The following PLD1 variants were observed in gnomAD, a reference collection of about 807,000 sequenced individuals.
PLD1 encodes the protein phospholipase D1, also known as choline phosphatase 1.
PLD1 carries 112 observed loss-of-function variants against 137.1 expected under a neutral mutation model. The ratio of observed to expected loss-of-function variants is 0.82; its 90% CI spans 0.70 to 0.96. The LOEUF (loss-of-function observed/expected upper bound fraction) is 0.96. Among genes scored for constraint, PLD1 ranks in the 40% least tolerant of loss-of-function variants. PLD1 has a pLI of 0.00. For synonymous variants in PLD1, 431 were observed against 454.7 expected, an observed-to-expected ratio of 0.95 and a Z score of 0.66; for missense variants, 1,321 against 1,342.0, an observed-to-expected ratio of 0.98 and a Z score of 0.24.
Position 171,735,625 on chromosome 3 carries a change from T to A in PLD1, c.301A>T (p.Asn101Tyr). The A allele has an allele frequency of 6.6e-7, 1 of 1,518,656 alleles. No homozygotes were observed. Among genetic ancestry groups the A allele is most frequent in the Non-Finnish European group, 9.1e-7 (1 of 1,093,128 alleles). The allele number at this position is 1,518,656 out of a possible 1,614,324, so 94.1% of individuals were successfully genotyped here. A position where few individuals can be genotyped will look rare whatever the true frequency, so the allele number is the denominator to read the frequency against. The change falls in exon 4 of 27, where the codon AAT becomes TAT. Residue 101 changes from asparagine to tyrosine, a missense_variant. Coordinates refer to ENST00000351298, the MANE Select transcript of PLD1 (RefSeq NM_002662.5). ...FTSTTRVPSINLYTIELTHGE... is the reference protein window; with the variant it reads ...FTSTTRVPSIYLYTIELTHGE... ...TGTGTTAATTCAATAGTGTAAAGAT[T>A]AATACTTGGTACCTACAGTGATACA...
chr3:171,711,518 G>GA (rs374866440), intron 9 of PLD1, among the ~76,000 whole-genome samples: 1 of 151,188 alleles, frequency 6.6e-6, no homozygotes, highest in Non-Finnish European at 1.5e-5. Flanking sequence ...ATTGATACCA[G>GA]AAAAAAAAGG....
At chr3:171,656,807 G>A (rs1186852199) in intron 21 of PLD1, among the ~76,000 whole-genome samples, 1 of 152,176 alleles carries the variant, frequency 6.6e-6, no homozygotes, top group South Asian at 2.1e-4. Flanking sequence ...TGTAGGCCAC[G>A]GAATACTCAC....
chr3:171,616,703 A>T (rs1733140416), intron 24 of PLD1, among the ~76,000 whole-genome samples: 1 of 152,188 alleles, frequency 6.6e-6, no homozygotes, highest in Non-Finnish European at 1.5e-5. Context: ...TCTAGAAACA[A>T]GGAAATGGAC....
chr3:171,738,612 A>G (rs958411895), intron 1 of PLD1, among the ~76,000 whole-genome samples: 10 of 152,212 alleles, frequency 6.6e-5, no homozygotes, highest in African/African-American at 2.4e-4. Context: ...CAAAGTGTAT[A>G]TTACCTCTTC....
intron 23 of PLD1, among the ~76,000 whole-genome samples, chr3:171,642,060 G>A (rs1735799694): frequency 6.6e-6 from 1 of 152,084 alleles, no homozygotes; most frequent in African/African-American, 2.4e-5. Context: ...GCAATATTGA[G>A]TGCCCACTAT....
chr3:171,685,664 T>C (rs942731641), intron 16 of PLD1, among the ~76,000 whole-genome samples: 2 of 152,218 alleles, frequency 1.3e-5, no homozygotes, highest in Non-Finnish European at 2.9e-5. Context: ...CTTATCCCCA[T>C]ATCTGACCAG....
At chr3:171,747,010 A>G (rs1385115948) in intron 1 of PLD1, among the ~76,000 whole-genome samples, 1 of 152,164 alleles carries the variant, frequency 6.6e-6, no homozygotes, top group Non-Finnish European at 1.5e-5. Context: ...TCAGGCCAGC[A>G]AGACCACGAA....
chr3:171,710,202 A>G (rs889792637), intron 9 of PLD1, among the ~76,000 whole-genome samples: 6 of 152,108 alleles, frequency 3.9e-5, no homozygotes, highest in African/African-American at 1.4e-4. Context: ...CTGGGACTAC[A>G]GGCACCCGCC....
rs571694119 is a variant in PLD1 at position 171,615,796 on chromosome 3, T to C, written c.2729-3364A>G. ...GATGTTTGGGTTGCTTCCAGAGTTTTGCTGTGATGCACAATTCTGCTCTAC... is the reference window on the plus strand; with the variant it reads ...GATGTTTGGGTTGCTTCCAGAGTTTCGCTGTGATGCACAATTCTGCTCTAC... On this transcript the variant is annotated intron_variant, in intron 24 of 26. Transcript: ENST00000351298. Among the ~76,000 whole-genome samples, 3 of 152,388 alleles carry C rather than the reference T, an allele frequency of 2.0e-5. No individual in the cohort carries two copies. The South Asian group carries it at 6.2e-4, about 32-fold the overall frequency.
chr3:171,712,203 G>GGCT (rs1261783862), intron 9 of PLD1, among the ~76,000 whole-genome samples: 4 of 152,216 alleles, frequency 2.6e-5, no homozygotes, highest in African/African-American at 9.6e-5. Flanking sequence ...GACAGGGAGA[G>GGCT]GCTGCTGCTG....
chr3:171,653,028 A>G (rs185819408), intron 21 of PLD1, among the ~76,000 whole-genome samples: 26 of 152,280 alleles, frequency 1.7e-4, no homozygotes, highest in African/African-American at 6.3e-4. Flanking sequence ...CTTACTGGTA[A>G]AAAGCACAAG....
chr3:171,787,195 T>A (rs972046565), intron 1 of PLD1, among the ~76,000 whole-genome samples: 1 of 152,124 alleles, frequency 6.6e-6, no homozygotes, highest in African/African-American at 2.4e-5. Context: ...CCCCTCTGTC[T>A]CTCAGGCTAC....
At chr3:171,785,594 A>G (rs1018772132) in intron 1 of PLD1, among the ~76,000 whole-genome samples, 2 of 152,068 alleles carry the variant, frequency 1.3e-5, no homozygotes, top group Non-Finnish European at 2.9e-5. Context: ...ACGTGCCACC[A>G]CGGCAAGCTA....
At chr3:171,709,211 G>C (rs1342764693) in intron 10 of PLD1, among the ~76,000 whole-genome samples, 1 of 152,214 alleles carries the variant, frequency 6.6e-6, no homozygotes, top group Non-Finnish European at 1.5e-5. Context: ...TGCTAAGCAT[G>C]ACTTTATTTA....
At chr3:171,677,403 A>G (rs1443046375) in intron 17 of PLD1, among the ~76,000 whole-genome samples, 163 bp downstream of exon 17, 4 of 152,240 alleles carry the variant, frequency 2.6e-5, no homozygotes, top group Non-Finnish European at 5.9e-5. Context: ...AAAGTCCTTA[A>G]GCACATGCTA....
chr3:171,687,569 A>C lies in PLD1; in HGVS notation c.1555T>G (p.Ser519Ala). The C allele has an allele frequency of 6.2e-7, 1 of 1,612,972 alleles. No individual in the cohort carries two copies. Among genetic ancestry groups the C allele is most frequent in the Non-Finnish European group, 8.5e-7 (1 of 1,179,586 alleles). Reference protein sequence around the residue: ...LGSLPPAAMESMESLRLKDKN... With the variant: ...LGSLPPAAMEAMESLRLKDKN... ...TCTTTGAGTCTTAAGGATTCCATAGACTCCATTGCGGCAGGCTGAGAAAAA... is the reference window on the plus strand; with the variant it reads ...TCTTTGAGTCTTAAGGATTCCATAGCCTCCATTGCGGCAGGCTGAGAAAAA... Residue 519 changes from serine to alanine, a missense_variant, in exon 15 of 27, where the codon TCT becomes GCT. Transcript: ENST00000351298.
At chr3:171,729,311 C>A (rs1178704163) in intron 6 of PLD1, among the ~76,000 whole-genome samples, 1 of 152,058 alleles carries the variant, frequency 6.6e-6, no homozygotes, top group Admixed American at 6.5e-5. Context: ...AAAGTGGTCT[C>A]AAGTAAAAAA....
intron 21 of PLD1, among the ~76,000 whole-genome samples, chr3:171,655,657 TG>T (rs991305746): frequency 2.6e-5 from 4 of 152,212 alleles, no homozygotes; most frequent in African/African-American, 9.7e-5. Context: ...TTTTTAATTC[TG>T]CCTTTACCTT....
intron 21 of PLD1, chr3:171,654,432 T>C (rs1382645814): frequency 1.1e-5 from 2 of 189,302 alleles, no homozygotes; most frequent in Non-Finnish European, 2.2e-5. Flanking sequence ...AACTGACTAT[T>C]TTCATTGTGT....
Sources: allele counts gnomAD v4.1 joint callset (sites outside exome capture counted in the v4.1 genomes callset), GRCh38; gene constraint gnomAD v4.1.1; transcripts MANE v1.5; gene names NCBI Gene and HGNC (gene_info 2026-07-23, HGNC 2026-07-21).